SGCD: variants seen among roughly 807,000 people sequenced by gnomAD.
The protein encoded by SGCD is delta-sarcoglycan.
Under a neutral mutation model 36.6 loss-of-function variants are expected in SGCD, and 18 were observed. That is an observed-to-expected ratio of 0.49 (90% confidence interval 0.34 to 0.73). The LOEUF is 0.73. Ranked by LOEUF, SGCD falls within the 30% of genes least tolerant of loss-of-function variation. The pLI, the probability that SGCD is intolerant of heterozygous loss-of-function variation, is 0.01. For synonymous variants in SGCD, 133 were observed against 130.6 expected (o/e 1.02, Z -0.12); for missense variants, 387 against 346.7 (o/e 1.12, Z -0.92).
Position 156,061,919 on chromosome 5 carries a change from C to CTTTT in SGCD, c.-281-55937_-281-55934dup, listed in dbSNP as rs757769130. ...TTGGTGATAATTCCAGGAGTTTTCA[C>CTTTT]TTTTTTTTTTTTTTTTTTTTTTTTT... On this transcript the variant is annotated intron_variant, in intron 1 of 9. Coordinates refer to the SGCD transcript ENST00000517913. Among the ~76,000 whole-genome samples the CTTTT allele has an allele frequency of 7.9e-3, 564 of 71,746 alleles. 1 individual carries two copies. Among genetic ancestry groups the CTTTT allele is most frequent in the Non-Finnish European group, 9.5e-3 (359 of 37,788 alleles). The allele number at this position is 71,746 out of a possible 152,430, so 47.1% of individuals were successfully genotyped here. A position where few individuals can be genotyped will look rare whatever the true frequency, so the allele number is the denominator to read the frequency against.
At chr5:155,908,996 A>C (rs140348500) in intron 1 of SGCD, among the ~76,000 whole-genome samples, 13 of 152,240 alleles carry the variant, frequency 8.5e-5, no homozygotes, top group African/African-American at 2.4e-4. Flanking sequence ...ATAAATCACT[A>C]GTGGCTTTTT....
chr5:156,746,763 A>G (rs1234562816), intron 7 of SGCD, among the ~76,000 whole-genome samples: 4 of 152,222 alleles, frequency 2.6e-5, no homozygotes, highest in Non-Finnish European at 5.9e-5. Context: ...AAGATTCTAG[A>G]AGAAAACATG....
At chr5:156,359,549 A>C (rs1181698362) in intron 3 of SGCD, among the ~76,000 whole-genome samples, 1 of 152,184 alleles carries the variant, frequency 6.6e-6, no homozygotes, top group Non-Finnish European at 1.5e-5. Context: ...TGGGATATAA[A>C]GCCAGCCTAG....
chr5:156,139,790 T>C (rs1385568395), intron 3 of SGCD, among the ~76,000 whole-genome samples: 1 of 152,222 alleles, frequency 6.6e-6, no homozygotes, highest in Non-Finnish European at 1.5e-5. Flanking sequence ...GTTCGAAGGA[T>C]GATGCCTCCT....
intron 7 of SGCD, among the ~76,000 whole-genome samples, chr5:156,650,129 C>G (rs1231750567): frequency 2.6e-5 from 4 of 152,090 alleles, no homozygotes; most frequent in Non-Finnish European, 5.9e-5. Context: ...ACATGTTATG[C>G]TGAGACATAA....
the SGCD span, among the ~76,000 whole-genome samples, chr5:155,775,173 A>G: frequency 6.6e-6 from 1 of 152,188 alleles, no homozygotes; most frequent in Non-Finnish European, 1.5e-5. Flanking sequence ...TTAAAGAGCT[A>G]GAGTGATTGA....
chr5:156,402,126 C>T (rs1251109978), intron 3 of SGCD, among the ~76,000 whole-genome samples: 1 of 152,178 alleles, frequency 6.6e-6, no homozygotes, highest in East Asian at 1.9e-4. Flanking sequence ...AATAGTGTTC[C>T]ATTGTACGTA....
intron 1 of SGCD, among the ~76,000 whole-genome samples, chr5:155,880,236 G>A (rs1395167802): frequency 3.3e-5 from 5 of 152,148 alleles, no homozygotes; most frequent in African/African-American, 1.2e-4. Flanking sequence ...GGTCATGCAT[G>A]TTTGCTTAGA....
chr5:156,350,427 C>T (rs776701880), intron 3 of SGCD, among the ~76,000 whole-genome samples: 4 of 151,588 alleles, frequency 2.6e-5, no homozygotes, highest in East Asian at 1.9e-4. Context: ...GTTTGTGAAA[C>T]CTTGGTGATC....
chr5:156,211,730 G>A (rs1177221557), intron 3 of SGCD, among the ~76,000 whole-genome samples: 1 of 151,796 alleles, frequency 6.6e-6, no homozygotes, highest in African/African-American at 2.4e-5. Context: ...AATAATATAA[G>A]GAATGATGGT....
intron 3 of SGCD, among the ~76,000 whole-genome samples, chr5:156,162,088 A>T (rs534594178): frequency 6.7e-6 from 1 of 148,758 alleles, no homozygotes; most frequent in Non-Finnish European, 1.5e-5. Context: ...TTTACCTGCT[A>T]ATGAGTTTGT....
intron 3 of SGCD, among the ~76,000 whole-genome samples, chr5:156,486,238 G>T (rs1302729971): frequency 6.6e-6 from 1 of 151,986 alleles, no homozygotes; most frequent in East Asian, 1.9e-4. Flanking sequence ...AGCTAGTGGT[G>T]CATCTAGATC....
At chr5:156,571,797 T>G (rs1428071165) in intron 4 of SGCD, among the ~76,000 whole-genome samples, 2 of 152,220 alleles carry the variant, frequency 1.3e-5, no homozygotes, top group African/African-American at 4.8e-5. Context: ...AACTGAAGTG[T>G]ATAATTCAGT....
intron 3 of SGCD, among the ~76,000 whole-genome samples, chr5:156,236,383 A>G (rs1765163078): frequency 6.6e-6 from 1 of 152,150 alleles, no homozygotes; most frequent in Admixed American, 6.6e-5. Flanking sequence ...AAGATTATCT[A>G]CTGATAATTT....
At chr5:156,727,959 T>C (rs1245918287) in intron 7 of SGCD, among the ~76,000 whole-genome samples, 1 of 152,200 alleles carries the variant, frequency 6.6e-6, no homozygotes, top group Non-Finnish European at 1.5e-5. Context: ...ACAGCTAACA[T>C]TTTGAAATAG....
intron 1 of SGCD, among the ~76,000 whole-genome samples, chr5:156,070,128 C>T (rs1174231013): frequency 9.4e-5 from 14 of 148,862 alleles, no homozygotes; most frequent in South Asian, 2.1e-4. Flanking sequence ...TTATTTCCTT[C>T]TCCTGCCTCA....
At chr5:155,826,688 A>C in the SGCD span, among the ~76,000 whole-genome samples, 1 of 152,308 alleles carries the variant, frequency 6.6e-6, no homozygotes, top group African/African-American at 2.4e-5. Flanking sequence ...ACCCTAAATG[A>C]AGTTATGTTA....
the SGCD span, among the ~76,000 whole-genome samples, chr5:155,730,172 C>A: frequency 1.3e-5 from 2 of 152,064 alleles, no homozygotes; most frequent in African/African-American, 4.8e-5. Context: ...TAGGAGAGGG[C>A]GCGGTTGAGC....
intron 3 of SGCD, among the ~76,000 whole-genome samples, chr5:156,288,483 G>A (rs1337332974): frequency 6.6e-6 from 1 of 152,048 alleles, no homozygotes; most frequent in Non-Finnish European, 1.5e-5. Context: ...ATTATATGAT[G>A]CCCTTAAGAG....
Sources: gnomAD v4.1 joint callset for allele counts (sites outside exome capture counted in the v4.1 genomes callset) on GRCh38, gnomAD v4.1.1 for gene constraint, MANE v1.5 for transcripts, NCBI Gene and HGNC (gene_info 2026-07-23, HGNC 2026-07-21) for gene names.